The following SPAG17 variants were observed in gnomAD, a reference collection of about 807,000 sequenced individuals.
The protein encoded by SPAG17 is sperm associated antigen 17, also known as sperm-associated antigen 17.
A neutral mutation model predicts 273.6 loss-of-function variants in SPAG17; 169 were observed. The ratio of observed to expected loss-of-function variants is 0.62; its 90% CI spans 0.55 to 0.70. The LOEUF (loss-of-function observed/expected upper bound fraction) is 0.70. Among genes scored for constraint, SPAG17 ranks in the 30% least tolerant of loss-of-function variants. The pLI, the probability that SPAG17 is intolerant of heterozygous loss-of-function variation, is 0.00. For missense variants in SPAG17, 2,557 were observed against 2,627.8 expected (o/e 0.97, Z 0.59); for synonymous variants, 825 against 873.2 (o/e 0.94, Z 0.97).
intron 1 of SPAG17, among the ~76,000 whole-genome samples, chr1:118,164,407 TGTCA>T (rs3085947): frequency 0.67 from 101,567 of 151,520 alleles, 34,448 homozygotes; most frequent in African/African-American, 0.73. Context: ...CTACTAAATT[TGTCA>T]GTCAGTCTGA....
At chr1:117,971,378 T>A (rs1378896695) in intron 45 of SPAG17, among the ~76,000 whole-genome samples, 2 of 152,202 alleles carry the variant, frequency 1.3e-5, no homozygotes, top group Non-Finnish European at 2.9e-5. Flanking sequence ...TACAACAAGT[T>A]ACACAGTTTC....
At chr1:118,100,706 G>A (rs1359277369) in intron 5 of SPAG17, among the ~76,000 whole-genome samples, 1 of 152,164 alleles carries the variant, frequency 6.6e-6, no homozygotes, top group African/African-American at 2.4e-5. Flanking sequence ...GTAAAGGATG[G>A]GAAAGCCCTC....
At chr1:118,117,864 C>T (rs144482785) in intron 3 of SPAG17, among the ~76,000 whole-genome samples, 84 of 152,278 alleles carry the variant, frequency 5.5e-4, no homozygotes, top group East Asian at 4.1e-3. Flanking sequence ...TCTTTCTGTG[C>T]GTCTCCCAAA....
chr1:117,964,367 GAAATAGA>G (rs1653535361), intron 47 of SPAG17: 1 of 153,158 alleles, frequency 6.5e-6, no homozygotes, highest in African/African-American at 2.4e-5. Flanking sequence ...TATAAGCAGG[GAAATAGA>G]AAATTTATTA....
At chr1:118,026,322 C>T (rs923321016) in intron 26 of SPAG17, among the ~76,000 whole-genome samples, 1 of 152,136 alleles carries the variant, frequency 6.6e-6, no homozygotes, top group African/African-American at 2.4e-5. Context: ...CATACCGTAC[C>T]TAAGCAGGCT....
intron 3 of SPAG17, among the ~76,000 whole-genome samples, chr1:118,145,433 A>G (rs1658921400): frequency 6.6e-6 from 1 of 152,194 alleles, no homozygotes; most frequent in African/African-American, 2.4e-5. Flanking sequence ...AGAAGTCAAA[A>G]AATGGAACTA....
intron 4 of SPAG17, among the ~76,000 whole-genome samples, chr1:118,111,483 AACC>A (rs1166010262): frequency 6.6e-6 from 1 of 151,852 alleles, no homozygotes; most frequent in Non-Finnish European, 1.5e-5. Context: ...TGAAGATTTT[AACC>A]ACAACTGAAT....
At chr1:118,145,292 T>C (rs1019856506) in intron 3 of SPAG17, among the ~76,000 whole-genome samples, 5 of 152,208 alleles carry the variant, frequency 3.3e-5, no homozygotes, top group African/African-American at 4.8e-5. Context: ...GTTTAAAAAA[T>C]GAGTTTCATA....
chr1:118,137,028 G>A (rs1160109483), intron 3 of SPAG17, among the ~76,000 whole-genome samples: 6 of 152,056 alleles, frequency 3.9e-5, no homozygotes, highest in Non-Finnish European at 8.8e-5. Context: ...CATTAGTTAC[G>A]AAATGTAATA....
At chr1:117,994,333 T>C (rs1224970275) in intron 35 of SPAG17, 73 bp downstream of exon 35, 41 of 1,462,672 alleles carry the variant, frequency 2.8e-5, no homozygotes, top group South Asian at 1.4e-5. Flanking sequence ...GGGAGAAGAC[T>C]TAAGACTCTG....
At chr1:118,003,222 T>G (rs1192502721) in intron 32 of SPAG17, among the ~76,000 whole-genome samples, 1 of 152,198 alleles carries the variant, frequency 6.6e-6, no homozygotes, top group Non-Finnish European at 1.5e-5. Context: ...CTTCCCTTTG[T>G]GGTAACTCGA....
chr1:118,045,790 GGGT>G, intron 20 of SPAG17, among the ~76,000 whole-genome samples: 1 of 152,252 alleles, frequency 6.6e-6, no homozygotes, highest in East Asian at 1.9e-4. Flanking sequence ...TGCTAACTCT[GGGT>G]AGTTAGTATC....
At chr1:118,053,895 C>G (rs768776659) in intron 20 of SPAG17, 107 bp downstream of exon 20, 6 of 717,106 alleles carry the variant, frequency 8.4e-6, no homozygotes, top group African/African-American at 1.8e-5. Flanking sequence ...CATCTTCATG[C>G]TTCTTCCCAA....
At chr1:118,074,113 G>T in intron 16 of SPAG17, 146 bp from the exon 17 acceptor site, 1 of 589,696 alleles carries the variant, frequency 1.7e-6, no homozygotes, top group Non-Finnish European at 2.9e-6. Context: ...CATTTTAGGA[G>T]AGCTGCTGCC....
chr1:118,006,692 A>G (rs533287780), intron 31 of SPAG17, among the ~76,000 whole-genome samples: 2 of 152,220 alleles, frequency 1.3e-5, no homozygotes, highest in Non-Finnish European at 2.9e-5. Context: ...ACCATTTTCC[A>G]AGTGACTAAC....
At chr1:118,157,823 T>C (rs961939965) in intron 1 of SPAG17, among the ~76,000 whole-genome samples, 10 of 152,174 alleles carry the variant, frequency 6.6e-5, no homozygotes, top group Non-Finnish European at 1.5e-4. Flanking sequence ...AGAAAACCTA[T>C]AGAAAGCCCT....
rs1655023719 is a variant in SPAG17, at chr1:118,086,721, G to T, written c.1561C>A (p.Leu521Ile). Residue 521 changes from leucine (L) to isoleucine (I), a missense_variant, in exon 12 of 49, where the codon CTC (leucine) becomes ATC (isoleucine). Transcript: ENST00000336338. Reference sequence around the variant, plus strand: ...TGTGCATCATGATAGTTCAGTAGGAGGGGGCCTTTGGGCACTGCTTTGCTT... The same window carrying T: ...TGTGCATCATGATAGTTCAGTAGGATGGGGCCTTTGGGCACTGCTTTGCTT... ...NESKAVPKGPLLLNYHDAHAH... is the reference protein window; with the variant it reads ...NESKAVPKGPILLNYHDAHAH... The T allele has an allele frequency of 6.2e-7, 1 of 1,614,024 alleles. No homozygotes were observed. The highest frequency in any genetic ancestry group is 1.3e-5 in the African/African-American group (1 of 74,906).
At chr1:117,980,370 T>G (rs1379102785) in intron 43 of SPAG17, among the ~76,000 whole-genome samples, 1 of 152,102 alleles carries the variant, frequency 6.6e-6, no homozygotes, top group Non-Finnish European at 1.5e-5. Context: ...TAGCTAGCAT[T>G]ACAGGCAAGC....
intron 43 of SPAG17, 106 bp downstream of exon 43, chr1:117,981,163 AT>A (rs1423294949): frequency 1.2e-5 from 15 of 1,280,022 alleles, no homozygotes; most frequent in Non-Finnish European, 1.5e-5. Flanking sequence ...GACCCTCTCG[AT>A]TTTTTTCTGT....
Sources: gnomAD v4.1 joint callset for allele counts (sites outside exome capture counted in the v4.1 genomes callset) on GRCh38, gnomAD v4.1.1 for gene constraint, MANE v1.5 for transcripts, NCBI Gene and HGNC (gene_info 2026-07-23, HGNC 2026-07-21) for gene names.